The following REXO5 variants were observed in gnomAD, a reference collection of about 807,000 sequenced individuals.
The protein encoded by REXO5 is RNA exonuclease 5.
In REXO5, 48 loss-of-function variants were observed where a neutral mutation model predicts 88.5. The ratio of observed to expected loss-of-function variants is 0.54; its 90% CI spans 0.43 to 0.69. The LOEUF is 0.69. Ranked by LOEUF, REXO5 falls within the 30% of genes least tolerant of loss-of-function variation. The pLI, the probability that REXO5 is intolerant of heterozygous loss-of-function variation, is 0.00. For missense variants in REXO5, 749 were observed against 912.2 expected (o/e 0.82, Z 2.30); for synonymous variants, 311 against 336.5 (o/e 0.92, Z 0.83).
intron 7 of REXO5, among the ~76,000 whole-genome samples, chr16:20,825,333 G>A (rs914360266): frequency 6.6e-5 from 10 of 152,174 alleles, no homozygotes; most frequent in Non-Finnish European, 2.9e-5. Context: ...ACATATCAGG[G>A]TGTATATCCT....
intron 2 of REXO5, among the ~76,000 whole-genome samples, chr16:20,812,617 C>G (rs746754360): frequency 3.9e-5 from 6 of 152,164 alleles, no homozygotes; most frequent in Non-Finnish European, 7.4e-5. Flanking sequence ...AATTCTGATT[C>G]ATTAGCTTAG....
intron 2 of REXO5, among the ~76,000 whole-genome samples, chr16:20,810,195 G>GTAGA (rs1322013506): frequency 2.6e-5 from 4 of 152,172 alleles, no homozygotes; most frequent in African/African-American, 9.7e-5. Context: ...GTGCTATGGT[G>GTAGA]ATGTTAATAC....
At chr16:20,807,575 T>C in intron 2 of REXO5, among the ~76,000 whole-genome samples, 1 of 87,700 alleles carries the variant, frequency 1.1e-5, no homozygotes, top group South Asian at 4.0e-4. Context: ...AAGAAAGAAA[T>C]CACGTCTCAG....
At chr16:20,840,619 C>T (rs1664065796) in intron 15 of REXO5, 151 bp downstream of exon 15, 2 of 603,306 alleles carry the variant, frequency 3.3e-6, no homozygotes, top group African/African-American at 3.7e-5. Context: ...CAGTTGTTGA[C>T]CCACAAGAAT....
rs1596557666 is a variant in REXO5, at chr16:20,806,985, A to C, written c.32A>C (p.His11Pro). 2 of 1,599,388 alleles carry C rather than the reference A, an allele frequency of 1.3e-6. No homozygotes were observed. The highest frequency in any genetic ancestry group is 1.7e-6 in the Non-Finnish European group (2 of 1,173,040). Residue 11 changes from histidine (H) to proline (P), a missense_variant, in exon 2 of 20, where the codon CAC becomes CCC. His to Pro is a moderately conservative substitution (Grantham distance 77). Transcript: ENST00000261377. MEPEREGTER[H>P]PRKVRESRQA... is the part of the protein sequence containing the mutation. ...CCAGAGAGGGAAGGGACCGAGAGAC[A>C]CCCCAGGAAGGTCAGGGAAAGCAGG... is the stretch of plus-strand genomic sequence containing the variant.
chr16:20,844,603 C>G, intron 16 of REXO5, 26 bp from the exon 17 acceptor site: 1 of 1,604,752 alleles, frequency 6.2e-7, no homozygotes, highest in Non-Finnish European at 8.5e-7. Context: ...GATTTTCTAC[C>G]ACTAACACCA....
chr16:20,827,124 G>T lies in REXO5; in HGVS notation c.888G>T (p.Gln296His), dbSNP rs749901573. The change falls in exon 9 of 20, where the codon CAG (glutamine) becomes CAT (histidine). Residue 296 changes from glutamine to histidine, a missense_variant. Physicochemically the swap from Gln to His is conservative, Grantham distance 24 (BLOSUM62 0). Transcript: ENST00000261377. Reference sequence around the variant, plus strand: ...CCAAACTCAAAGATGTACAGAGGCAGTTAAAAGCACTGCTTCCTCCTGATG... The same window carrying T: ...CCAAACTCAAAGATGTACAGAGGCATTTAAAAGCACTGCTTCCTCCTGATG... ...VTTKLKDVQR[Q>H]LKALLPPDAV... is the part of the protein sequence containing the mutation. 1.9e-6 allele frequency: 3 copies of T among 1,614,118 alleles called. No homozygotes were observed. Among genetic ancestry groups the T allele is most frequent in the Non-Finnish European group, 2.5e-6 (3 of 1,179,988 alleles).
intron 5 of REXO5, among the ~76,000 whole-genome samples, chr16:20,820,534 ATATATATATATTTTTTTTTTTTTTT>A (rs2081161449): frequency 7.5e-5 from 1 of 13,280 alleles, no homozygotes; most frequent in Non-Finnish European, 1.3e-4. Context: ...ATATATATAT[ATATATATATATTTTTTTTTTTTTTT>A]TTTTTTTTTT....
chr16:20,815,100 T>A, intron 4 of REXO5, 47 bp downstream of exon 4: 1 of 1,582,028 alleles, frequency 6.3e-7, no homozygotes, highest in South Asian at 1.2e-5. Context: ...GTTTTCCCAT[T>A]CTGAGACTAA....
At chr16:20,840,620 C>T in intron 15 of REXO5, 152 bp downstream of exon 15, 2 of 591,864 alleles carry the variant, frequency 3.4e-6, no homozygotes, top group Non-Finnish European at 5.5e-6. Context: ...AGTTGTTGAC[C>T]CACAAGAATG....
chr16:20,824,563 G>A (rs766396890), intron 7 of REXO5, 36 bp downstream of exon 7: 3 of 1,233,666 alleles, frequency 2.4e-6, no homozygotes, highest in Non-Finnish European at 3.6e-6. Flanking sequence ...TTGGAGTGTT[G>A]CAAGCTGAGG....
At chr16:20,823,099 T>C (rs570597715) in intron 6 of REXO5, among the ~76,000 whole-genome samples, 1 of 152,282 alleles carries the variant, frequency 6.6e-6, no homozygotes, top group East Asian at 1.9e-4. Context: ...AAGTGGTGTC[T>C]CATTGTGATT....
intron 5 of REXO5, 24 bp from the exon 6 acceptor site, chr16:20,821,738 T>G (rs2152503657): frequency 1.9e-6 from 3 of 1,552,048 alleles, no homozygotes; most frequent in South Asian, 1.3e-5. Context: ...CATTCTAATA[T>G]ACGTTCAATT....
intron 19 of REXO5, among the ~76,000 whole-genome samples, chr16:20,846,583 G>A (rs2081610770): frequency 6.6e-6 from 1 of 152,188 alleles, no homozygotes. Flanking sequence ...GGAGTCTTAT[G>A]TCCTTACTGC....
At chr16:20,834,345 G>C (rs1303542295) in intron 13 of REXO5, among the ~76,000 whole-genome samples, 1 of 152,152 alleles carries the variant, frequency 6.6e-6, no homozygotes, top group Non-Finnish European at 1.5e-5. Flanking sequence ...AGTATCGCTT[G>C]AGCGCAGGAG....
At chr16:20,814,164 A>G (rs922031884) in intron 3 of REXO5, among the ~76,000 whole-genome samples, 7 of 150,504 alleles carry the variant, frequency 4.7e-5, no homozygotes, top group African/African-American at 1.7e-4. Context: ...CAAAGCAGCC[A>G]TACATAACAC....
intron 13 of REXO5, among the ~76,000 whole-genome samples, chr16:20,834,488 G>A (rs551046781): frequency 6.6e-6 from 1 of 151,840 alleles, no homozygotes; most frequent in East Asian, 1.9e-4. Flanking sequence ...TGCAATTTGC[G>A]GGTTTATCAT....
At chr16:20,826,261 C>T (rs1331965271) in intron 8 of REXO5, among the ~76,000 whole-genome samples, 1 of 152,164 alleles carries the variant, frequency 6.6e-6, no homozygotes, top group Non-Finnish European at 1.5e-5. Context: ...CTGATAAGAC[C>T]TCATCTGAAA....
intron 2 of REXO5, among the ~76,000 whole-genome samples, chr16:20,811,673 A>G (rs1309591561): frequency 6.6e-6 from 1 of 152,230 alleles, no homozygotes; most frequent in African/African-American, 2.4e-5. Context: ...AATGGGGATG[A>G]TAGTAGTACA....
Sources: allele counts gnomAD v4.1 joint callset (sites outside exome capture counted in the v4.1 genomes callset), GRCh38; gene constraint gnomAD v4.1.1; transcripts MANE v1.5; gene names NCBI Gene and HGNC (gene_info 2026-07-23, HGNC 2026-07-21).